The following ENTPD1 variants were observed in gnomAD, a reference collection of about 807,000 sequenced individuals.
ENTPD1 encodes the protein ectonucleoside triphosphate diphosphohydrolase 1.
A neutral mutation model predicts 57.0 loss-of-function variants in ENTPD1; 33 were observed. The observed-to-expected ratio is 0.58, with a 90% CI of 0.44 to 0.77. The LOEUF is 0.77. Ranked by LOEUF, ENTPD1 falls within the 30% of genes least tolerant of loss-of-function variation. ENTPD1 has a pLI of 0.00. For missense variants in ENTPD1, 501 were observed against 603.4 expected, an observed-to-expected ratio of 0.83 and a Z score of 1.78; for synonymous variants, 202 against 218.8, an observed-to-expected ratio of 0.92 and a Z score of 0.68.
intron 1 of ENTPD1, among the ~76,000 whole-genome samples, chr10:95,773,393 T>C (rs1358884043): frequency 3.3e-5 from 5 of 152,174 alleles, no homozygotes; most frequent in African/African-American, 9.7e-5. Context: ...GCATTGTCAA[T>C]GGACAGTAAT....
At chr10:95,717,774 G>A (rs2097973178) in intron 1 of ENTPD1, among the ~76,000 whole-genome samples, 1 of 152,184 alleles carries the variant, frequency 6.6e-6, no homozygotes, top group African/African-American at 2.4e-5. Context: ...ATTGGGGCAT[G>A]ATAGGGGTCG....
intron 1 of ENTPD1, among the ~76,000 whole-genome samples, chr10:95,813,372 G>A (rs1183733974): frequency 6.6e-6 from 1 of 152,198 alleles, no homozygotes; most frequent in Non-Finnish European, 1.5e-5. Context: ...GTGACCTTAG[G>A]TGGAGTTTTT....
upstream of ENTPD1, among the ~76,000 whole-genome samples, chr10:95,710,884 C>G (rs1199663146): frequency 1.3e-5 from 2 of 152,162 alleles, no homozygotes; most frequent in Admixed American, 1.3e-4. Context: ...CAACTTTTTA[C>G]TGAGCACAAT....
intron 1 of ENTPD1, among the ~76,000 whole-genome samples, chr10:95,807,247 C>T (rs2098276859): frequency 6.6e-6 from 1 of 152,226 alleles, no homozygotes; most frequent in Admixed American, 6.5e-5. Flanking sequence ...AGGCTTCCAC[C>T]TTGCGGTTCA....
chr10:95,819,220 G>A (rs1423151849), intron 1 of ENTPD1, among the ~76,000 whole-genome samples: 2 of 152,184 alleles, frequency 1.3e-5, no homozygotes, highest in South Asian at 2.1e-4. Flanking sequence ...CTAGAGTGCA[G>A]TGGTGTGATC....
At chr10:95,830,859 C>G (rs1366389857) in intron 2 of ENTPD1, among the ~76,000 whole-genome samples, 2 of 152,110 alleles carry the variant, frequency 1.3e-5, no homozygotes, top group Admixed American at 6.6e-5. Context: ...CCATGTGATT[C>G]TAATGAGTAG....
the ENTPD1 span, among the ~76,000 whole-genome samples, chr10:95,700,936 G>A: frequency 6.6e-6 from 1 of 152,006 alleles, no homozygotes; most frequent in Non-Finnish European, 1.5e-5. Flanking sequence ...GGGATTATAG[G>A]TGCCCACCAC....
intron 1 of ENTPD1, among the ~76,000 whole-genome samples, chr10:95,742,513 TTTC>T (rs962129518): frequency 9.3e-5 from 14 of 151,036 alleles, no homozygotes; most frequent in East Asian, 3.9e-4. Context: ...TCTTTTTCTT[TTTC>T]TTCTTCTTCT....
At chr10:95,823,900 C>T (rs574180233) in intron 2 of ENTPD1, among the ~76,000 whole-genome samples, 39 of 152,250 alleles carry the variant, frequency 2.6e-4, no homozygotes, top group African/African-American at 9.4e-4. Context: ...AAAACATATA[C>T]GTGTATCAGG....
At chr10:95,715,873 T>C (rs2097970923) in intron 1 of ENTPD1, among the ~76,000 whole-genome samples, 1 of 152,200 alleles carries the variant, frequency 6.6e-6, no homozygotes, top group East Asian at 1.9e-4. Flanking sequence ...GTATTTTTGT[T>C]TGCTTGTTTG....
chr10:95,871,559 G>A lies in ENTPD1; in HGVS notation c.*5176G>A. 5.1e-6 allele frequency: 5 copies of A among 985,388 alleles called. No homozygotes were observed. Among genetic ancestry groups the A allele is most frequent in the Non-Finnish European group, 6.0e-6 (5 of 829,928 alleles). The allele number at this position is 985,388 out of a possible 1,614,324, so 61.0% of individuals were successfully genotyped here. A position where few individuals can be genotyped will look rare whatever the true frequency, so the allele number is the denominator to read the frequency against. ...CTGAACACAATCAGTTTTATCACAGGTATAATGGATTTTTCAATAGTGAGG... is the reference window on the plus strand; with the variant it reads ...CTGAACACAATCAGTTTTATCACAGATATAATGGATTTTTCAATAGTGAGG... On this transcript the variant is annotated 3_prime_UTR_variant, in exon 10 of 10. Transcript: ENST00000371205.
chr10:95,811,818 C>T (rs7093453), intron 1 of ENTPD1, among the ~76,000 whole-genome samples: 11,144 of 152,266 alleles, frequency 0.073, 452 homozygotes, highest in African/African-American at 0.097. Flanking sequence ...ATCCAGACAT[C>T]AGTTGATGGA....
At chr10:95,784,532 C>T (rs982382543) in intron 1 of ENTPD1, among the ~76,000 whole-genome samples, 2 of 152,242 alleles carry the variant, frequency 1.3e-5, no homozygotes, top group Non-Finnish European at 1.5e-5. Context: ...TCCTAGTCAC[C>T]CCAAGACCTT....
chr10:95,756,191 TG>T lies in ENTPD1; in HGVS notation c.-40del, dbSNP rs149930011. Reference sequence around the variant, plus strand: ...GAGACGGACCACAGCAAGCAGAGGCTGGGGGGGGGAAAGACGAGGAAAGAGG... The same window carrying T: ...GAGACGGACCACAGCAAGCAGAGGCTGGGGGGGGAAAGACGAGGAAAGAGG... On this transcript the variant is annotated 5_prime_UTR_variant, in exon 1 of 10. Transcript: ENST00000371205. The T allele has an allele frequency of 2.5e-3, 3,597 of 1,439,778 alleles. 8 individuals carry two copies. Among genetic ancestry groups the T allele is most frequent in the Non-Finnish European group, 2.8e-3 (2,959 of 1,065,056 alleles). The allele number at this position is 1,439,778 out of a possible 1,614,324, so 89.2% of individuals were successfully genotyped here.
At chr10:95,748,162 C>T (rs754443984) in intron 1 of ENTPD1, among the ~76,000 whole-genome samples, 5 of 152,166 alleles carry the variant, frequency 3.3e-5, no homozygotes, top group South Asian at 2.1e-4. Context: ...CGTGAGCCAC[C>T]GCACCCGGCC....
At chr10:95,860,606 C>T (rs1264428915) in intron 8 of ENTPD1, 24 bp downstream of exon 8, 1 of 1,591,548 alleles carries the variant, frequency 6.3e-7, no homozygotes, top group African/African-American at 1.3e-5. Context: ...CACAGCAGCT[C>T]TAACAGCATG....
intron 1 of ENTPD1, among the ~76,000 whole-genome samples, chr10:95,744,360 G>A (rs1169075460): frequency 6.6e-6 from 1 of 152,140 alleles, no homozygotes; most frequent in East Asian, 1.9e-4. Context: ...TTGGGGCCGA[G>A]AGTGGGGACT....
At chr10:95,817,062 A>G (rs1423754570) in intron 1 of ENTPD1, among the ~76,000 whole-genome samples, 1 of 152,210 alleles carries the variant, frequency 6.6e-6, no homozygotes, top group Non-Finnish European at 1.5e-5. Context: ...AGCAAAGGTA[A>G]GCTTATCTGA....
In ENTPD1 at chr10:95,869,618, G is replaced by C. The variant is rs1566266542; in HGVS notation, c.*3235G>C. 1.0e-6 allele frequency: 1 copy of C among 985,092 alleles called. No individual in the cohort carries two copies. The highest frequency in any genetic ancestry group is 1.2e-6 in the Non-Finnish European group (1 of 829,858). 61.0% of individuals were successfully genotyped at this position (985,092 alleles called of 1,614,324 possible). A position where few individuals can be genotyped will look rare whatever the true frequency, so the allele number is the denominator to read the frequency against. ...CAGGCTTTCTGTGTGACAAGAAAGA[G>C]AAAGAAAATAAAGAAGTTTCAATTC... On this transcript the variant is annotated 3_prime_UTR_variant, in exon 10 of 10. Transcript: ENST00000371205.
Sources: allele counts gnomAD v4.1 joint callset (sites outside exome capture counted in the v4.1 genomes callset), GRCh38; gene constraint gnomAD v4.1.1; transcripts MANE v1.5; gene names NCBI Gene and HGNC (gene_info 2026-07-23, HGNC 2026-07-21).